The following CYP51A1 variants were observed in gnomAD, a reference collection of about 807,000 sequenced individuals.
The protein encoded by CYP51A1 is cytochrome P450 family 51 subfamily A member 1, also known as lanosterol 14-alpha demethylase.
A neutral mutation model predicts 53.5 loss-of-function variants in CYP51A1; 45 were observed. The observed-to-expected ratio is 0.84, with a 90% CI of 0.66 to 1.08. The LOEUF (loss-of-function observed/expected upper bound fraction) is 1.08, where lower values mean the gene tolerates loss of function less well. Ranked by LOEUF, CYP51A1 falls within the 50% of genes least tolerant of loss-of-function variation. The pLI, the probability that CYP51A1 is intolerant of heterozygous loss-of-function variation, is 0.00. For synonymous variants in CYP51A1, 181 were observed against 217.7 expected (o/e 0.83, Z 1.48); for missense variants, 462 against 621.7 (o/e 0.74, Z 2.73).
chr7:92,112,880 T>TA lies in CYP51A1; in HGVS notation c.*784dup, dbSNP rs1464804086. The TA allele has an allele frequency of 2.0e-5, 3 of 151,280 alleles. No individual in the cohort carries two copies. Among genetic ancestry groups the TA allele is most frequent in the Non-Finnish European group, 4.4e-5 (3 of 67,934 alleles). The allele number at this position is 151,280 out of a possible 1,614,324, so 9.4% of individuals were successfully genotyped here. ...GGGAACAACTGAGCCAAAACAAAAT[T>TA]ATCCCCTAAGGACTTGACTTTGGAC... On this transcript the variant is annotated 3_prime_UTR_variant, in exon 10 of 10. Transcript: ENST00000003100.
chr7:92,119,604 GCAA>G (rs980029901), intron 7 of CYP51A1, among the ~76,000 whole-genome samples: 36 of 152,048 alleles, frequency 2.4e-4, no homozygotes, highest in Admixed American at 1.3e-3. Context: ...AACAGCAGCA[GCAA>G]CAACAACAAC....
chr7:92,117,456 TAACTC>T (rs1173671527), intron 8 of CYP51A1: 3 of 320,808 alleles, frequency 9.4e-6, no homozygotes, highest in African/African-American at 2.1e-5. Flanking sequence ...AAAATTATTT[TAACTC>T]AAGATGATTT....
At chr7:92,134,491 C>A, upstream of CYP51A1, 1 of 983,096 alleles carries the variant, frequency 1.0e-6, no homozygotes, top group Non-Finnish European at 1.5e-6. Flanking sequence ...CCCAGCCCCA[C>A]CCCTCGGGTC....
rs748388423 is a variant in CYP51A1, at chr7:92,134,350, A to AGCC, written c.12_14dup (p.Ala5dup). On this transcript the variant is annotated inframe_insertion, in exon 1 of 10. Transcript: ENST00000003100. ...GCAGCAAGCCCAGCAGCAGCATCCC[A>AGCC]GCCGCCGCCGCCATTCACTCCGTCG... The AGCC allele has an allele frequency of 3.2e-6, 5 of 1,581,130 alleles. No homozygotes were observed. Among genetic ancestry groups the AGCC allele is most frequent in the Non-Finnish European group, 3.4e-6 (4 of 1,160,324 alleles).
chr7:92,123,344 A>T, intron 6 of CYP51A1, 29 bp from the exon 7 acceptor site: 1 of 1,577,972 alleles, frequency 6.3e-7, no homozygotes, highest in Non-Finnish European at 8.7e-7. Flanking sequence ...ACACAAATTT[A>T]ACATTTTGGC....
At chr7:92,128,591 C>T (rs1283068392) in intron 3 of CYP51A1, among the ~76,000 whole-genome samples, 2 of 152,038 alleles carry the variant, frequency 1.3e-5, no homozygotes, top group Non-Finnish European at 2.9e-5. Context: ...TCAAGCGATT[C>T]TCATGCCTCA....
intron 4 of CYP51A1, 139 bp from the exon 5 acceptor site, chr7:92,126,566 T>C (rs1359810987): frequency 1.7e-5 from 12 of 701,516 alleles, no homozygotes; most frequent in Middle Eastern, 3.9e-4. Flanking sequence ...TGTGACTATG[T>C]ACAACAACAA....
chr7:92,120,568 C>T (rs930101113), intron 7 of CYP51A1, among the ~76,000 whole-genome samples: 5 of 152,152 alleles, frequency 3.3e-5, no homozygotes, highest in Admixed American at 6.5e-5. Context: ...AATACAGGCA[C>T]GTGCCACTGC....
chr7:92,116,256 G>C (rs1340979449), intron 9 of CYP51A1, among the ~76,000 whole-genome samples: 2 of 152,124 alleles, frequency 1.3e-5, no homozygotes, highest in Non-Finnish European at 2.9e-5. Context: ...CTGGGTGACA[G>C]AGCAAGACTC....
chr7:92,117,253 A>G, intron 8 of CYP51A1, 41 bp from the exon 9 acceptor site: 2 of 1,554,616 alleles, frequency 1.3e-6, no homozygotes, highest in Non-Finnish European at 1.8e-6. Context: ...GAATTTAAAA[A>G]TGTGCTGACA....
chr7:92,126,899 C>G (rs983578625), intron 4 of CYP51A1, among the ~76,000 whole-genome samples: 2 of 152,212 alleles, frequency 1.3e-5, no homozygotes, highest in African/African-American at 4.8e-5. Flanking sequence ...TATCCCAACA[C>G]TGGAGACAAA....
chr7:92,127,735 G>C (rs1819829648), intron 3 of CYP51A1, 104 bp from the exon 4 acceptor site: 37 of 1,158,872 alleles, frequency 3.2e-5, no homozygotes, highest in Non-Finnish European at 4.5e-5. Context: ...CACAAGTAAT[G>C]GTTTTAACCC....
chr7:92,126,130 T>A, intron 5 of CYP51A1, 123 bp downstream of exon 5: 1 of 628,588 alleles, frequency 1.6e-6, no homozygotes, highest in Non-Finnish European at 2.5e-6. Context: ...AGGGGATTCA[T>A]AATCTTACCC....
chr7:92,117,964 G>A (rs1244993929), intron 8 of CYP51A1, among the ~76,000 whole-genome samples: 1 of 148,930 alleles, frequency 6.7e-6, no homozygotes, highest in Non-Finnish European at 1.5e-5. Context: ...CTCCAGCCTG[G>A]GCAACAAGAG....
intron 7 of CYP51A1, among the ~76,000 whole-genome samples, chr7:92,122,469 T>C (rs1166827962): frequency 6.6e-6 from 1 of 152,138 alleles, no homozygotes; most frequent in Non-Finnish European, 1.5e-5. Context: ...CAAGTTTATA[T>C]GTAGTAACAT....
At position 92,112,476 on chromosome 7, in the gene CYP51A1, TTTG is replaced by T. The variant is rs1390871194; in HGVS notation, c.*1186_*1188del. The T allele has an allele frequency of 6.6e-6, 1 of 152,070 alleles. No individual in the cohort carries two copies. The highest frequency in any genetic ancestry group is 1.5e-5 in the Non-Finnish European group (1 of 68,002). 9.4% of individuals were successfully genotyped at this position (152,070 alleles called of 1,614,324 possible). On this transcript the variant is annotated 3_prime_UTR_variant, in exon 10 of 10. Transcript: ENST00000003100. ...ATCTCACATTTTAAAAAGAAAAAAG[TTTG>T]TTAACTGTTTTAATCAATATGAGTA...
rs371679799 is a variant in CYP51A1 at position 92,134,353 on chromosome 7, C to A, written c.12G>T (p.Ala4=). MAA[A]AGMLLLGLLQ... The stretch of plus-strand genomic sequence containing the variant: ...GCAAGCCCAGCAGCAGCATCCCAGC[C>A]GCCGCCGCCATTCACTCCGTCGGAA... The change falls in exon 1 of 10, where the codon GCG becomes GCT. Residue 4 remains alanine (A), a synonymous_variant. Transcript: ENST00000003100. 3.2e-6 allele frequency: 5 copies of A among 1,578,684 alleles called. No homozygotes were observed. The highest frequency in any genetic ancestry group is 1.1e-5 in the South Asian group (1 of 88,014).
At chr7:92,122,052 AG>A (rs1182529411) in intron 7 of CYP51A1, among the ~76,000 whole-genome samples, 1 of 152,192 alleles carries the variant, frequency 6.6e-6, no homozygotes. Context: ...AGAAATAAAA[AG>A]GATTATGAGA....
At chr7:92,124,189 CT>C (rs1819747693) in intron 5 of CYP51A1, among the ~76,000 whole-genome samples, 1 of 152,172 alleles carries the variant, frequency 6.6e-6, no homozygotes, top group South Asian at 2.1e-4. Flanking sequence ...AAGTAGGATA[CT>C]CTTTTAAATT....
Sources: gnomAD v4.1 joint callset for allele counts (sites outside exome capture counted in the v4.1 genomes callset) on GRCh38, gnomAD v4.1.1 for gene constraint, MANE v1.5 for transcripts, NCBI Gene and HGNC (gene_info 2026-07-23, HGNC 2026-07-21) for gene names.